The following PPARGC1B variants were observed in gnomAD, a reference collection of about 807,000 sequenced individuals.
PPARGC1B encodes PPARG coactivator 1 beta.
Under a neutral mutation model 101.6 loss-of-function variants are expected in PPARGC1B, and 34 were observed. The observed-to-expected ratio is 0.33, with a 90% CI of 0.25 to 0.45. The LOEUF (loss-of-function observed/expected upper bound fraction) is 0.45, where lower values mean the gene tolerates loss of function less well. PPARGC1B is among the 20% of genes least tolerant of loss of function. The pLI is 1.00. For missense variants in PPARGC1B, 1,234 were observed against 1,317.6 expected, an observed-to-expected ratio of 0.94 and a Z score of 0.98; for synonymous variants, 548 against 539.3, an observed-to-expected ratio of 1.02 and a Z score of -0.22.
intron 1 of PPARGC1B, among the ~76,000 whole-genome samples, chr5:149,745,076 C>T (rs1755039743): frequency 6.6e-6 from 1 of 151,940 alleles, no homozygotes; most frequent in South Asian, 2.1e-4. Flanking sequence ...TAATTTTTTA[C>T]TTTTTTTAGA....
chr5:149,782,214 G>T (rs1756625132), intron 1 of PPARGC1B, among the ~76,000 whole-genome samples: 1 of 152,148 alleles, frequency 6.6e-6, no homozygotes, highest in Non-Finnish European at 1.5e-5. Flanking sequence ...TTGGGGTTGG[G>T]TGGCCCTGGC....
chr5:149,824,697 G>C (rs1758434422), intron 2 of PPARGC1B, among the ~76,000 whole-genome samples: 1 of 152,154 alleles, frequency 6.6e-6, no homozygotes, highest in Non-Finnish European at 1.5e-5. Context: ...AGTCTGGCCT[G>C]AGGGTTGAAG....
rs562955806 is a variant in PPARGC1B, at chr5:149,851,460, A to G, written c.*3902A>G. 5 of 152,244 alleles carry G rather than the reference A, an allele frequency of 3.3e-5. No homozygotes were observed. Among genetic ancestry groups the G allele is most frequent in the African/African-American group, 1.2e-4 (5 of 41,456 alleles). The allele number at this position is 152,244 out of a possible 1,614,324, so 9.4% of individuals were successfully genotyped here. ...GAGGATGTATTGATCTGACTCACTG[A>G]TGTCAAAATTGCAGTATTTTTTTAG... On this transcript the variant is annotated 3_prime_UTR_variant, in exon 12 of 12. Coordinates refer to ENST00000309241, the MANE Select transcript of PPARGC1B (RefSeq NM_133263.4).
At chr5:149,750,453 A>ATATATATATATATATATATATAT (rs1755246049) in intron 1 of PPARGC1B, among the ~76,000 whole-genome samples, 1 of 123,228 alleles carries the variant, frequency 8.1e-6, no homozygotes, top group African/African-American at 3.1e-5. Flanking sequence ...TTTTAGTTAA[A>ATATATATATATATATATATATAT]ATATATATAT....
At chr5:149,771,480 C>G (rs1046609218) in intron 1 of PPARGC1B, among the ~76,000 whole-genome samples, 1 of 152,190 alleles carries the variant, frequency 6.6e-6, no homozygotes, top group African/African-American at 2.4e-5. Context: ...GGGCAGGGCC[C>G]TGATTGCCCA....
At chr5:149,788,157 A>C (rs1173982691) in intron 1 of PPARGC1B, among the ~76,000 whole-genome samples, 1 of 152,236 alleles carries the variant, frequency 6.6e-6, no homozygotes, top group Non-Finnish European at 1.5e-5. Context: ...AATGGGAGAA[A>C]ATTTTTACAA....
downstream of PPARGC1B, among the ~76,000 whole-genome samples, chr5:149,857,195 C>T (rs189422326): frequency 3.8e-4 from 58 of 152,256 alleles, no homozygotes; most frequent in African/African-American, 1.4e-3. Flanking sequence ...ACAGTTTCTC[C>T]CTTGGAGTAT....
intron 1 of PPARGC1B, among the ~76,000 whole-genome samples, chr5:149,810,773 G>A (rs1362024110): frequency 1.3e-5 from 2 of 152,182 alleles, no homozygotes; most frequent in African/African-American, 4.8e-5. Flanking sequence ...CCTGGGAGGA[G>A]CTGGCTGTGT....
At chr5:149,735,748 C>T (rs560253094) in intron 1 of PPARGC1B, among the ~76,000 whole-genome samples, 1 of 152,194 alleles carries the variant, frequency 6.6e-6, no homozygotes, top group Non-Finnish European at 1.5e-5. Context: ...CTCTAAGCTC[C>T]TTGAAGACAG....
At chr5:149,802,221 G>A (rs1757452405) in intron 1 of PPARGC1B, among the ~76,000 whole-genome samples, 1 of 152,152 alleles carries the variant, frequency 6.6e-6, no homozygotes, top group African/African-American at 2.4e-5. Context: ...GAGCTGGTCT[G>A]GAAGAGCATT....
At chr5:149,746,503 G>T (rs548384289) in intron 1 of PPARGC1B, among the ~76,000 whole-genome samples, 35 of 152,276 alleles carry the variant, frequency 2.3e-4, no homozygotes, top group African/African-American at 8.2e-4. Context: ...TCATTTGTTA[G>T]TGAATACCTG....
chr5:149,803,153 C>A (rs1196644361), intron 1 of PPARGC1B, among the ~76,000 whole-genome samples: 3 of 152,204 alleles, frequency 2.0e-5, no homozygotes, highest in African/African-American at 7.2e-5. Flanking sequence ...ATATGGGGGA[C>A]TGAGGCTCAG....
At chr5:149,812,936 A>C (rs1328916294) in intron 1 of PPARGC1B, among the ~76,000 whole-genome samples, 3 of 152,236 alleles carry the variant, frequency 2.0e-5, no homozygotes, top group African/African-American at 7.2e-5. Context: ...AGGCCAAATA[A>C]CAGAGGTGAG....
intron 1 of PPARGC1B, among the ~76,000 whole-genome samples, chr5:149,740,284 T>G (rs1754866024): frequency 6.6e-6 from 1 of 152,234 alleles, no homozygotes; most frequent in Non-Finnish European, 1.5e-5. Context: ...TAGTAGCATA[T>G]GCTTTGAAGG....
intron 2 of PPARGC1B, among the ~76,000 whole-genome samples, chr5:149,821,588 A>C (rs1473117356): frequency 6.6e-6 from 1 of 152,252 alleles, no homozygotes; most frequent in Non-Finnish European, 1.5e-5. Flanking sequence ...CCTGTCTGGC[A>C]GTATAATAAT....
At chr5:149,746,374 C>T (rs1055148551) in intron 1 of PPARGC1B, among the ~76,000 whole-genome samples, 1 of 152,120 alleles carries the variant, frequency 6.6e-6, no homozygotes, top group Non-Finnish European at 1.5e-5. Context: ...TTGTGGCTGG[C>T]CTATTTTACT....
intron 1 of PPARGC1B, among the ~76,000 whole-genome samples, chr5:149,736,191 C>T (rs757972889): frequency 3.3e-5 from 5 of 152,118 alleles, no homozygotes; most frequent in East Asian, 1.9e-4. Flanking sequence ...TGCTTCTCTA[C>T]GCCTGTTTTT....
chr5:149,809,774 GGCAGGGGATA>G (rs1757778260), intron 1 of PPARGC1B, among the ~76,000 whole-genome samples: 1 of 151,822 alleles, frequency 6.6e-6, no homozygotes, highest in African/African-American at 2.4e-5. Flanking sequence ...GATAAAAGGA[GGCAGGGGATA>G]GCAGAGAATG....
Position 149,830,836 on chromosome 5 carries a change from T to C in PPARGC1B, c.535T>C (p.Trp179Arg). The part of the protein sequence containing the change: ...SSDTQKEGTA[W>R]RQAGLRSKSQ... The stretch of plus-strand genomic sequence containing the variant: ...TGACACCCAGAAGGAAGGGACCGCC[T>C]GGCGCCAGGCAGGCCTCAGATCTAA... The change falls in exon 4 of 12, where the codon TGG becomes CGG. Residue 179 changes from tryptophan to arginine, a missense_variant. Coordinates refer to ENST00000309241, the MANE Select transcript of PPARGC1B (RefSeq NM_133263.4). The C allele has an allele frequency of 6.2e-7, 1 of 1,614,190 alleles. No homozygotes were observed. The highest frequency in any genetic ancestry group is 8.5e-7 in the Non-Finnish European group (1 of 1,180,002).
Sources: gnomAD v4.1 joint callset for allele counts (sites outside exome capture counted in the v4.1 genomes callset) on GRCh38, gnomAD v4.1.1 for gene constraint, MANE v1.5 for transcripts, NCBI Gene and HGNC (gene_info 2026-07-23, HGNC 2026-07-21) for gene names.